FSTL4: variants seen among roughly 807,000 people sequenced by gnomAD.
The protein encoded by FSTL4 is follistatin like 4.
A neutral mutation model predicts 78.2 loss-of-function variants in FSTL4; 28 were observed. That is an observed-to-expected ratio of 0.36 (90% CI 0.27 to 0.49). The LOEUF is 0.49. Ranked by LOEUF, FSTL4 falls within the 20% of genes least tolerant of loss-of-function variation. The probability of loss-of-function intolerance (pLI) is 0.98; values close to 1 mark genes in which losing one functional copy is unlikely to be tolerated. For missense variants in FSTL4, 922 were observed against 1,084.9 expected (o/e 0.85, Z 2.11); for synonymous variants, 422 against 440.5 (o/e 0.96, Z 0.53).
At chr5:133,823,951 T>C in the FSTL4 span, among the ~76,000 whole-genome samples, 7 of 152,248 alleles carry the variant, frequency 4.6e-5, no homozygotes, top group Non-Finnish European at 1.0e-4. Context: ...TGCTGCTAGA[T>C]AGATGTTTGA....
chr5:133,721,228 T>C, the FSTL4 span, among the ~76,000 whole-genome samples: 1 of 152,260 alleles, frequency 6.6e-6, no homozygotes, highest in Admixed American at 6.5e-5. Context: ...TTTTATATTG[T>C]ATATTCTTTA....
the FSTL4 span, among the ~76,000 whole-genome samples, chr5:133,823,023 C>T: frequency 6.6e-6 from 1 of 152,142 alleles, no homozygotes; most frequent in African/African-American, 2.4e-5. Context: ...GGCATGGAAA[C>T]AGACCATGAA....
the FSTL4 span, among the ~76,000 whole-genome samples, chr5:133,808,021 T>G: frequency 2.0e-5 from 3 of 152,116 alleles, no homozygotes; most frequent in African/African-American, 7.2e-5. Context: ...ATGAACTCCT[T>G]AAAAAAAGGG....
intron 3 of FSTL4, among the ~76,000 whole-genome samples, chr5:133,494,496 C>T (rs1016831185): frequency 5.9e-5 from 9 of 152,142 alleles, no homozygotes; most frequent in Non-Finnish European, 8.8e-5. Flanking sequence ...TTAACACAAA[C>T]GGAGTCCTGC....
the FSTL4 span, among the ~76,000 whole-genome samples, chr5:133,690,907 G>A: frequency 1.3e-5 from 2 of 152,132 alleles, no homozygotes; most frequent in Non-Finnish European, 2.9e-5. Flanking sequence ...TTGCTGTCAC[G>A]TTTCCTCCAC....
chr5:133,564,879 C>A (rs965648997), intron 3 of FSTL4, among the ~76,000 whole-genome samples: 3 of 152,212 alleles, frequency 2.0e-5, no homozygotes, highest in African/African-American at 7.2e-5. Flanking sequence ...TCGATTTCCA[C>A]TGCTAACATT....
At chr5:133,375,638 C>T (rs955171156) in intron 4 of FSTL4, among the ~76,000 whole-genome samples, 3 of 152,056 alleles carry the variant, frequency 2.0e-5, no homozygotes, top group Non-Finnish European at 4.4e-5. Context: ...AAAGTAGGTG[C>T]TACTTTGTGA....
the FSTL4 span, among the ~76,000 whole-genome samples, chr5:133,784,823 T>A: frequency 6.6e-6 from 1 of 152,220 alleles, no homozygotes; most frequent in Non-Finnish European, 1.5e-5. Context: ...TGGTCCTGTG[T>A]GTTTCTATGA....
chr5:133,279,386 C>G (rs1440989702), intron 6 of FSTL4, among the ~76,000 whole-genome samples: 2 of 152,232 alleles, frequency 1.3e-5, no homozygotes. Context: ...TTGTCCGAAA[C>G]CATCTCTGTT....
chr5:133,574,384 T>C (rs1337677822), intron 2 of FSTL4, among the ~76,000 whole-genome samples: 2 of 152,238 alleles, frequency 1.3e-5, no homozygotes, highest in African/African-American at 2.4e-5. Flanking sequence ...ACTTTCCTCA[T>C]TGGTCTGAGT....
At chr5:133,263,158 G>A (rs975679329) in intron 6 of FSTL4, among the ~76,000 whole-genome samples, 18 of 152,294 alleles carry the variant, frequency 1.2e-4, no homozygotes, top group Admixed American at 1.1e-3. Flanking sequence ...TTTGCTGAGA[G>A]GCTGAGGGTT....
the FSTL4 span, among the ~76,000 whole-genome samples, chr5:133,764,972 C>CAA: frequency 6.6e-6 from 1 of 152,346 alleles, no homozygotes. Context: ...CGTGGGGTAA[C>CAA]AATTTTCTCC....
intron 4 of FSTL4, among the ~76,000 whole-genome samples, chr5:133,398,362 A>C (rs1165800413): frequency 1.3e-5 from 2 of 152,184 alleles, no homozygotes; most frequent in Non-Finnish European, 2.9e-5. Context: ...ATCTGCAGAA[A>C]GAGAAGCCCT....
intron 3 of FSTL4, among the ~76,000 whole-genome samples, chr5:133,535,336 A>C (rs972422576): frequency 6.6e-6 from 1 of 152,258 alleles, no homozygotes; most frequent in Non-Finnish European, 1.5e-5. Flanking sequence ...TAATGGCCAT[A>C]ACGCCCAAGC....
the FSTL4 span, among the ~76,000 whole-genome samples, chr5:133,739,554 T>A: frequency 6.6e-6 from 1 of 152,152 alleles, no homozygotes. Context: ...ATCATGCAAC[T>A]GGGTCTTTCT....
chr5:133,713,902 C>G, the FSTL4 span, among the ~76,000 whole-genome samples: 1 of 152,204 alleles, frequency 6.6e-6, no homozygotes, highest in African/African-American at 2.4e-5. Flanking sequence ...CACATCGGCT[C>G]TCCCATAAAC....
At chr5:133,721,537 C>A in the FSTL4 span, among the ~76,000 whole-genome samples, 1 of 152,170 alleles carries the variant, frequency 6.6e-6, no homozygotes, top group Non-Finnish European at 1.5e-5. Context: ...TGAAGGACAG[C>A]TTTGCTGGGT....
At chr5:133,350,412 A>G (rs1474008490) in intron 4 of FSTL4, among the ~76,000 whole-genome samples, 1 of 152,226 alleles carries the variant, frequency 6.6e-6, no homozygotes, top group Non-Finnish European at 1.5e-5. Flanking sequence ...CTGTTGCACG[A>G]AGGGCCCACA....
At chr5:133,461,077 C>T (rs1389777070) in intron 3 of FSTL4, among the ~76,000 whole-genome samples, 2 of 152,150 alleles carry the variant, frequency 1.3e-5, no homozygotes, top group African/African-American at 4.8e-5. Flanking sequence ...GAAAAAAATG[C>T]ATTTTTGTTT....
Sources: allele counts gnomAD v4.1 joint callset (sites outside exome capture counted in the v4.1 genomes callset), GRCh38; gene constraint gnomAD v4.1.1; transcripts MANE v1.5; gene names NCBI Gene and HGNC (gene_info 2026-07-23, HGNC 2026-07-21).